Variants in RBFOX1 observed in about 807,000 individuals in gnomAD.
The protein encoded by RBFOX1 is RNA binding fox-1 homolog 1, also known as RNA binding protein fox-1 homolog 1.
Under a neutral mutation model 57.7 loss-of-function variants are expected in RBFOX1, and 8 were observed. The ratio of observed to expected loss-of-function variants is 0.14; its 90% CI spans 0.08 to 0.25. RBFOX1 has a LOEUF of 0.25. Among genes scored for constraint, RBFOX1 ranks in the 10% least tolerant of loss-of-function variants. The probability of loss-of-function intolerance (pLI) is 1.00; values close to 1 mark genes in which losing one functional copy is unlikely to be tolerated. For synonymous variants in RBFOX1, 326 were observed against 222.4 expected, an observed-to-expected ratio of 1.47 and a Z score of -4.15; for missense variants, 611 against 548.5, an observed-to-expected ratio of 1.11 and a Z score of -1.14.
intron 4 of RBFOX1, among the ~76,000 whole-genome samples, chr16:7,263,076 C>G (rs938838667): frequency 5.3e-5 from 8 of 152,218 alleles, no homozygotes; most frequent in Non-Finnish European, 1.2e-4. Context: ...AGTCTGTCCA[C>G]AACCTCTGAA....
At chr16:6,107,813 C>T (rs1270624103) in intron 1 of RBFOX1, among the ~76,000 whole-genome samples, 2 of 152,012 alleles carry the variant, frequency 1.3e-5, no homozygotes, top group Admixed American at 6.6e-5. Context: ...CTAGATCTTA[C>T]TGTCTATACC....
chr16:5,768,159 G>C (rs1425527731), intron 3 of RBFOX1, among the ~76,000 whole-genome samples: 1 of 152,110 alleles, frequency 6.6e-6, no homozygotes, highest in Non-Finnish European at 1.5e-5. Flanking sequence ...GAATGCATGT[G>C]TGGCCGCGTG....
At chr16:6,536,287 C>G (rs1376043648) in intron 2 of RBFOX1, among the ~76,000 whole-genome samples, 1 of 152,158 alleles carries the variant, frequency 6.6e-6, no homozygotes, top group Middle Eastern at 3.2e-3. Flanking sequence ...TTTCCTGTCT[C>G]CAGCAAATCT....
At chr16:6,522,007 A>G (rs370800975) in intron 2 of RBFOX1, among the ~76,000 whole-genome samples, 2 of 152,198 alleles carry the variant, frequency 1.3e-5, no homozygotes, top group African/African-American at 2.4e-5. Context: ...CAGCTTCTAC[A>G]AAGCCAAATA....
At chr16:7,383,445 C>T (rs2097820316) in intron 4 of RBFOX1, among the ~76,000 whole-genome samples, 1 of 152,042 alleles carries the variant, frequency 6.6e-6, no homozygotes, top group South Asian at 2.1e-4. Context: ...TTGAAATAAT[C>T]TCTTGAATTA....
intron 3 of RBFOX1, among the ~76,000 whole-genome samples, chr16:5,797,072 A>G (rs1370557768): frequency 1.3e-5 from 2 of 152,212 alleles, no homozygotes; most frequent in East Asian, 1.9e-4. Context: ...TTTGTGATCA[A>G]GACTGGTAGA....
chr16:5,396,133 A>C (rs1357277442), intron 1 of RBFOX1, among the ~76,000 whole-genome samples: 1 of 152,220 alleles, frequency 6.6e-6, no homozygotes, highest in Non-Finnish European at 1.5e-5. Flanking sequence ...TCTGTTATGT[A>C]GCAAATCAGT....
chr16:7,261,303 G>A (rs2094910138), intron 4 of RBFOX1, among the ~76,000 whole-genome samples: 1 of 152,174 alleles, frequency 6.6e-6, no homozygotes, highest in African/African-American at 2.4e-5. Flanking sequence ...ATGAATGGCA[G>A]GTTCTCAATA....
chr16:5,933,447 G>A (rs372871182), intron 4 of RBFOX1, among the ~76,000 whole-genome samples: 1 of 152,156 alleles, frequency 6.6e-6, no homozygotes, highest in African/African-American at 2.4e-5. Context: ...TCCTTGGCCC[G>A]TTTTGAGGGA....
chr16:7,234,272 G>A (rs917464797), intron 4 of RBFOX1, among the ~76,000 whole-genome samples: 4 of 152,078 alleles, frequency 2.6e-5, no homozygotes, highest in Non-Finnish European at 5.9e-5. Flanking sequence ...CACTGGAAGA[G>A]CAAAAGAGCT....
At chr16:7,162,261 T>C (rs559660745) in intron 4 of RBFOX1, among the ~76,000 whole-genome samples, 74 of 152,208 alleles carry the variant, frequency 4.9e-4, no homozygotes, top group African/African-American at 8.2e-4. Context: ...CATCTACTTA[T>C]ATTTCCTCTC....
chr16:5,982,712 G>A (rs747927962), intron 4 of RBFOX1, among the ~76,000 whole-genome samples: 12 of 152,122 alleles, frequency 7.9e-5, no homozygotes, highest in Non-Finnish European at 1.2e-4. Flanking sequence ...CTAATAAGCA[G>A]CCCCCTTGTC....
At chr16:7,679,887 G>C (rs1357103429) in intron 14 of RBFOX1, among the ~76,000 whole-genome samples, 1 of 152,090 alleles carries the variant, frequency 6.6e-6, no homozygotes, top group East Asian at 1.9e-4. Context: ...TAGTCTCATT[G>C]ACAAATTTAA....
At chr16:7,243,531 C>G (rs911869930) in intron 4 of RBFOX1, among the ~76,000 whole-genome samples, 26 of 152,132 alleles carry the variant, frequency 1.7e-4, no homozygotes, top group African/African-American at 5.1e-4. Flanking sequence ...AAGTTGACCC[C>G]TTACTCTTTA....
chr16:5,614,738 G>T (rs1487226151), intron 3 of RBFOX1, among the ~76,000 whole-genome samples: 2 of 152,162 alleles, frequency 1.3e-5, no homozygotes, highest in Non-Finnish European at 2.9e-5. Flanking sequence ...AGTGCTTACT[G>T]AATGCAAATC....
chr16:6,334,601 C>T (rs2083417635), intron 2 of RBFOX1, among the ~76,000 whole-genome samples: 1 of 151,946 alleles, frequency 6.6e-6, no homozygotes, highest in South Asian at 2.1e-4. Context: ...GCACTCTTCA[C>T]ATCTGTGTAT....
In RBFOX1 at chr16:6,130,874, C is replaced by T. The variant is rs190943985; in HGVS notation, c.-127+110882C>T. On this transcript the variant is annotated intron_variant, in intron 1 of 15. Coordinates refer to ENST00000550418, the MANE Select transcript of RBFOX1 (RefSeq NM_018723.4). ...ATAAACAGCTTCAAAATACATCAAG[C>T]AGAAGTTGACAAAACTAAAGCCAGT... is the stretch of plus-strand genomic sequence containing the variant. 1.5e-3 allele frequency among the ~76,000 whole-genome samples: 223 copies of T among 152,092 alleles called. 1 individual carries two copies. The highest frequency in any genetic ancestry group is 2.8e-3 in the Non-Finnish European group (193 of 67,976).
chr16:5,703,759 A>G (rs1596843356), intron 3 of RBFOX1, among the ~76,000 whole-genome samples: 1 of 152,258 alleles, frequency 6.6e-6, no homozygotes, highest in Non-Finnish European at 1.5e-5. Flanking sequence ...ATATGTGTGT[A>G]TATGTGCATG....
chr16:6,370,480 C>G (rs1387607137), intron 2 of RBFOX1, among the ~76,000 whole-genome samples: 1 of 151,156 alleles, frequency 6.6e-6, no homozygotes, highest in African/African-American at 2.4e-5. Flanking sequence ...GTTGTTTCAG[C>G]TGCTACAAAA....
Sources: allele counts gnomAD v4.1 joint callset (sites outside exome capture counted in the v4.1 genomes callset), GRCh38; gene constraint gnomAD v4.1.1; transcripts MANE v1.5; gene names NCBI Gene and HGNC (gene_info 2026-07-23, HGNC 2026-07-21).